UNC13C: variants seen among roughly 807,000 people sequenced by gnomAD.
The protein encoded by UNC13C is protein unc-13 homolog C.
Under a neutral mutation model 245.4 loss-of-function variants are expected in UNC13C, and 174 were observed. That is an observed-to-expected ratio of 0.71 (90% confidence interval 0.63 to 0.80). UNC13C has a LOEUF of 0.80. Ranked by LOEUF, UNC13C falls within the 30% of genes least tolerant of loss-of-function variation. UNC13C has a pLI of 0.00. For missense variants in UNC13C, 2,829 were observed against 2,602.9 expected, an observed-to-expected ratio of 1.09 and a Z score of -1.89; for synonymous variants, 992 against 895.1, an observed-to-expected ratio of 1.11 and a Z score of -1.93.
At chr15:54,455,240 T>TATATAAC (rs1306822375) in intron 19 of UNC13C, among the ~76,000 whole-genome samples, 1 of 125,330 alleles carries the variant, frequency 8.0e-6, no homozygotes, top group Non-Finnish European at 1.7e-5. Context: ...TATATATATG[T>TATATAAC]TTTTTAATCC....
chr15:53,881,926 C>G, the UNC13C span, among the ~76,000 whole-genome samples: 2 of 152,118 alleles, frequency 1.3e-5, no homozygotes, highest in Non-Finnish European at 2.9e-5. Flanking sequence ...AGTCAGAAAC[C>G]TTTTCAAGTC....
At chr15:53,999,621 CT>C (rs977961004) in intron 1 of UNC13C, among the ~76,000 whole-genome samples, 1 of 151,584 alleles carries the variant, frequency 6.6e-6, no homozygotes, top group Admixed American at 6.6e-5. Flanking sequence ...TTAATTTGCT[CT>C]TTTTTTGACA....
intron 8 of UNC13C, among the ~76,000 whole-genome samples, chr15:54,258,760 T>C (rs544630068): frequency 4.6e-5 from 7 of 152,286 alleles, no homozygotes; most frequent in Admixed American, 2.0e-4. Context: ...GCTATATGTG[T>C]TATCTCATTG....
rs964072226 is a variant in UNC13C, at chr15:54,486,346, C to T, written c.4934-8262C>T. Among the ~76,000 whole-genome samples the T allele has an allele frequency of 4.7e-5, 7 of 149,598 alleles. No homozygotes were observed. The East Asian group carries it at 9.9e-4, about 21-fold the overall frequency. ...TAGCTGCTCCAGAGGCTGAAGCAGGCGAATCACTTGAACCCCCAGGAGGTG... is the reference window on the plus strand; with the variant it reads ...TAGCTGCTCCAGAGGCTGAAGCAGGTGAATCACTTGAACCCCCAGGAGGTG... On this transcript the variant is annotated intron_variant, in intron 19 of 32. Transcript: ENST00000260323.
At chr15:54,160,578 C>A (rs1325939184) in intron 4 of UNC13C, among the ~76,000 whole-genome samples, 3 of 151,932 alleles carry the variant, frequency 2.0e-5, no homozygotes, top group Admixed American at 6.6e-5. Context: ...ATCTTCAAAT[C>A]TGGTATAAGA....
chr15:54,532,773 T>G, intron 25 of UNC13C, 144 bp from the exon 26 acceptor site: 1 of 558,236 alleles, frequency 1.8e-6, no homozygotes, highest in African/African-American at 1.9e-5. Context: ...AACAAAAATT[T>G]TTGCAGTTAA....
chr15:54,236,336 G>T, intron 5 of UNC13C, 94 bp from the exon 6 acceptor site: 1 of 954,470 alleles, frequency 1.0e-6, no homozygotes, highest in East Asian at 2.4e-5. Flanking sequence ...TAATTGTAAA[G>T]TGTTAGGCTA....
chr15:53,908,723 G>T, the UNC13C span, among the ~76,000 whole-genome samples: 2 of 116,266 alleles, frequency 1.7e-5, no homozygotes, highest in Middle Eastern at 4.7e-3. Flanking sequence ...CTGCACTCCA[G>T]TCTGGGTGAC....
chr15:54,600,703 A>G (rs1278940524), intron 30 of UNC13C, among the ~76,000 whole-genome samples: 1 of 152,142 alleles, frequency 6.6e-6, no homozygotes, highest in Non-Finnish European at 1.5e-5. Context: ...CTTATACAAA[A>G]TAAATATTTT....
At chr15:54,421,634 A>G (rs368475514) in intron 19 of UNC13C, among the ~76,000 whole-genome samples, 2 of 152,094 alleles carry the variant, frequency 1.3e-5, no homozygotes, top group African/African-American at 4.8e-5. Flanking sequence ...CCACTGCTCT[A>G]GAAAACCGCT....
intron 2 of UNC13C, among the ~76,000 whole-genome samples, chr15:54,038,124 A>AAAAATTTTTTTTTTTTTTT (rs1555406259): frequency 6.7e-5 from 3 of 45,038 alleles, no homozygotes; most frequent in African/African-American, 2.1e-4. Context: ...ATATATATAT[A>AAAAATTTTTTTTTTTTTTT]TTTTTTTTTT....
intron 17 of UNC13C, among the ~76,000 whole-genome samples, chr15:54,342,121 T>A (rs1299700290): frequency 6.6e-6 from 1 of 152,176 alleles, no homozygotes; most frequent in Non-Finnish European, 1.5e-5. Context: ...GAGTTTTATG[T>A]TCTGTGAATT....
chr15:54,623,110 A>G (rs950047105), intron 31 of UNC13C, among the ~76,000 whole-genome samples: 1 of 152,134 alleles, frequency 6.6e-6, no homozygotes, highest in African/African-American at 2.4e-5. Flanking sequence ...AAGTTTAATG[A>G]ATATTTTGCA....
intron 25 of UNC13C, among the ~76,000 whole-genome samples, chr15:54,532,039 T>C (rs1003820169): frequency 3.9e-5 from 6 of 152,184 alleles, no homozygotes; most frequent in Non-Finnish European, 7.3e-5. Flanking sequence ...ATTTATGTTA[T>C]GTTCAGGGGT....
intron 2 of UNC13C, chr15:54,049,012 T>G (rs938045467): frequency 1.1e-5 from 4 of 379,804 alleles, no homozygotes; most frequent in Non-Finnish European, 2.1e-5. Flanking sequence ...TTGAGAATTT[T>G]TTCTTCCTTC....
chr15:54,022,526 A>G lies in UNC13C; in HGVS notation c.2983+6640A>G, dbSNP rs536938091. 9.5e-4 allele frequency among the ~76,000 whole-genome samples: 144 copies of G among 152,234 alleles called. 1 individual carries two copies. In the Middle Eastern group the frequency reaches 0.024, roughly 25 times the overall value. ...TGAGATACTGAGCATTGTTTGATATATCTTCCATTTACATCTATCCTTTTG... is the reference window on the plus strand; with the variant it reads ...TGAGATACTGAGCATTGTTTGATATGTCTTCCATTTACATCTATCCTTTTG... On this transcript the variant is annotated intron_variant, in intron 2 of 32. Transcript: ENST00000260323.
chr15:53,924,249 A>G, the UNC13C span, among the ~76,000 whole-genome samples: 3 of 93,026 alleles, frequency 3.2e-5, no homozygotes, highest in Non-Finnish European at 8.5e-5. Context: ...ACAAAAAAAG[A>G]GATAGCACGG....
intron 4 of UNC13C, among the ~76,000 whole-genome samples, chr15:54,218,416 A>G (rs1232331614): frequency 1.3e-5 from 2 of 151,948 alleles, no homozygotes; most frequent in Non-Finnish European, 2.9e-5. Context: ...TCTTACTTGA[A>G]TGGTAAGTAG....
rs1357834740 is a variant in UNC13C, at chr15:54,477,457, G to A, written c.4934-17151G>A. Among the ~76,000 whole-genome samples the A allele has an allele frequency of 2.3e-4, 23 of 101,950 alleles. 4 individuals carry two copies. Among genetic ancestry groups the A allele is most frequent in the Non-Finnish European group, 4.2e-4 (20 of 47,740 alleles). 66.9% of individuals were successfully genotyped at this position (101,950 alleles called of 152,430 possible). On this transcript the variant is annotated intron_variant, in intron 19 of 32. Transcript: ENST00000260323. ...ATTGGCTGTGGGTTTGTCATAGATA[G>A]CTCTTATTATTTTGAGATACGTCCC...
Sources: gnomAD v4.1 joint callset for allele counts (sites outside exome capture counted in the v4.1 genomes callset) on GRCh38, gnomAD v4.1.1 for gene constraint, MANE v1.5 for transcripts, NCBI Gene and HGNC (gene_info 2026-07-23, HGNC 2026-07-21) for gene names.